FAT3: variants seen among roughly 807,000 people sequenced by gnomAD.
FAT3 encodes FAT atypical cadherin 3.
FAT3 carries 95 observed loss-of-function variants against 310.2 expected under a neutral mutation model. That is an observed-to-expected ratio of 0.31 (90% CI 0.26 to 0.36). The LOEUF is 0.36. Ranked by LOEUF, FAT3 falls within the 10% of genes least tolerant of loss-of-function variation. FAT3 has a pLI of 1.00. For synonymous variants in FAT3, 2,314 were observed against 2,192.9 expected (o/e 1.06, Z -1.54); for missense variants, 5,408 against 5,715.6 (o/e 0.95, Z 1.74).
chr11:92,809,741 C>T, intron 12 of FAT3, 102 bp from the exon 13 acceptor site: 1 of 838,914 alleles, frequency 1.2e-6, no homozygotes. Context: ...TGATGTTAGT[C>T]CTTCCTATGT....
chr11:92,452,554 C>T (rs16917593), intron 2 of FAT3, among the ~76,000 whole-genome samples: 1,523 of 152,014 alleles, frequency 0.01, 20 homozygotes, highest in African/African-American at 0.035. Context: ...ATTTCTGAAG[C>T]GCATAGAAAG....
chr11:92,783,449 G>C (rs1273489400), intron 7 of FAT3, among the ~76,000 whole-genome samples: 1 of 141,996 alleles, frequency 7.0e-6, no homozygotes, highest in Non-Finnish European at 1.5e-5. Context: ...AATGTATATA[G>C]ATAAAATAAG....
At chr11:92,370,700 TAGAAGGTAAACCATC>T (rs909184739) in intron 2 of FAT3, among the ~76,000 whole-genome samples, 26 of 152,352 alleles carry the variant, frequency 1.7e-4, no homozygotes, top group African/African-American at 6.3e-4. Context: ...ATATTTATCC[TAGAAGGTAAACCATC>T]AGAAATGGAG....
chr11:92,512,508 A>AT lies in FAT3; in HGVS notation c.3293-12126_3293-12125insT, dbSNP rs1323498885. Reference sequence around the variant, plus strand: ...ACTGCCCTGTTTTATATCTCAAAAAAAAATATATATAAATATATATAAATT... The same window carrying AT: ...ACTGCCCTGTTTTATATCTCAAAAAATAAATATATATAAATATATATAAATT... On this transcript the variant is annotated intron_variant, in intron 2 of 27. Coordinates refer to ENST00000525166, the MANE Select transcript of FAT3 (RefSeq NM_001367949.2). Among the ~76,000 whole-genome samples the AT allele has an allele frequency of 5.5e-5, 8 of 145,106 alleles. 1 individual carries two copies. Among genetic ancestry groups the AT allele is most frequent in the African/African-American group, 1.8e-4 (7 of 39,172 alleles).
chr11:92,742,018 A>G (rs1284941677), intron 4 of FAT3, among the ~76,000 whole-genome samples: 1 of 152,224 alleles, frequency 6.6e-6, no homozygotes, highest in African/African-American at 2.4e-5. Context: ...TCTTATGAAA[A>G]CCAAAAGGAA....
intron 4 of FAT3, among the ~76,000 whole-genome samples, chr11:92,727,160 T>C (rs1945026265): frequency 6.6e-6 from 1 of 152,194 alleles, no homozygotes; most frequent in South Asian, 2.1e-4. Flanking sequence ...GCAAGTTGGC[T>C]TCTGGCAAAC....
At chr11:92,779,223 C>T (rs1044944038) in intron 7 of FAT3, among the ~76,000 whole-genome samples, 2 of 152,054 alleles carry the variant, frequency 1.3e-5, no homozygotes, top group African/African-American at 4.8e-5. Flanking sequence ...ATGGGGTTAT[C>T]GTCCCTCCAA....
chr11:92,330,307 G>C (rs1010193077), intron 1 of FAT3, among the ~76,000 whole-genome samples: 6 of 152,216 alleles, frequency 3.9e-5, no homozygotes, highest in African/African-American at 1.2e-4. Flanking sequence ...CATGGAAGCT[G>C]CCCTATCCCC....
intron 3 of FAT3, among the ~76,000 whole-genome samples, chr11:92,583,012 C>A (rs1383040822): frequency 1.3e-5 from 2 of 151,732 alleles, no homozygotes; most frequent in Non-Finnish European, 2.9e-5. Flanking sequence ...TTAATATACT[C>A]CCCTGTAAAT....
intron 3 of FAT3, among the ~76,000 whole-genome samples, chr11:92,641,527 T>A (rs2135729494): frequency 6.6e-6 from 1 of 152,288 alleles, no homozygotes; most frequent in African/African-American, 2.4e-5. Context: ...GCTCCAGGTA[T>A]TCCTTGGCTT....
intron 13 of FAT3, among the ~76,000 whole-genome samples, chr11:92,824,656 C>A (rs1349115288): frequency 6.6e-6 from 1 of 151,942 alleles, no homozygotes; most frequent in Non-Finnish European, 1.5e-5. Flanking sequence ...TATAATAGTT[C>A]TTTTATTTAT....
intron 3 of FAT3, among the ~76,000 whole-genome samples, chr11:92,627,100 A>C (rs887805290): frequency 6.6e-6 from 1 of 152,242 alleles, no homozygotes; most frequent in African/African-American, 2.4e-5. Flanking sequence ...TACTTTTTAA[A>C]GGCCTTCAGA....
At chr11:92,591,077 G>A (rs549289591) in intron 3 of FAT3, among the ~76,000 whole-genome samples, 14 of 152,194 alleles carry the variant, frequency 9.2e-5, no homozygotes, top group African/African-American at 2.9e-4. Context: ...GTTTATGATG[G>A]GGTCTCAAAA....
intron 1 of FAT3, among the ~76,000 whole-genome samples, chr11:92,242,094 T>C (rs1367654484): frequency 3.3e-5 from 5 of 152,182 alleles, no homozygotes; most frequent in African/African-American, 1.2e-4. Flanking sequence ...AATGATGACA[T>C]TGATGGCAAA....
At chr11:92,518,274 T>C (rs1228509935) in intron 2 of FAT3, among the ~76,000 whole-genome samples, 1 of 152,104 alleles carries the variant, frequency 6.6e-6, no homozygotes, top group Admixed American at 6.6e-5. Context: ...CAAATGCCCA[T>C]CAATGATAGA....
chr11:92,234,184 A>G (rs1170274585), intron 1 of FAT3, among the ~76,000 whole-genome samples: 2 of 152,256 alleles, frequency 1.3e-5, no homozygotes, highest in African/African-American at 4.8e-5. Context: ...CAGATGTGGC[A>G]AATTATTTTT....
chr11:92,399,291 C>T (rs659041), intron 2 of FAT3, among the ~76,000 whole-genome samples: 39,861 of 151,970 alleles, frequency 0.26, 7,007 homozygotes, highest in African/African-American at 0.51. Context: ...ACCATTTCCT[C>T]TGGAGTTTCT....
intron 2 of FAT3, among the ~76,000 whole-genome samples, chr11:92,466,073 A>G (rs568290754): frequency 1.1e-4 from 16 of 152,132 alleles, no homozygotes; most frequent in Non-Finnish European, 2.1e-4. Flanking sequence ...CCTACCTTCC[A>G]GATGGGGAAA....
Position 92,336,456 on chromosome 11 carries a change from A to C in FAT3, c.-17-15640A>C, listed in dbSNP as rs989421142. 9.6e-6 allele frequency: 3 copies of C among 311,056 alleles called. No individual in the cohort carries two copies. The East Asian group carries it at 2.4e-4, about 25-fold the overall frequency. 19.3% of individuals were successfully genotyped at this position (311,056 alleles called of 1,614,324 possible). On this transcript the variant is annotated intron_variant, in intron 1 of 27. Transcript: ENST00000525166. ...GAGCCTTTGCATCACCACTGCCGCC[A>C]AAAGACTGGGAGCGCTCAAACTTAA...
Sources: allele counts gnomAD v4.1 joint callset (sites outside exome capture counted in the v4.1 genomes callset), GRCh38; gene constraint gnomAD v4.1.1; transcripts MANE v1.5; gene names NCBI Gene and HGNC (gene_info 2026-07-23, HGNC 2026-07-21).